The following SEMA3A variants were observed in gnomAD, a reference collection of about 807,000 sequenced individuals.
The protein encoded by SEMA3A is semaphorin 3A.
In SEMA3A, 29 loss-of-function variants were observed where a neutral mutation model predicts 97.9. That is an observed-to-expected ratio of 0.30 (90% confidence interval 0.22 to 0.40). The LOEUF (loss-of-function observed/expected upper bound fraction) is 0.40. Among genes scored for constraint, SEMA3A ranks in the 10% least tolerant of loss-of-function variants. The pLI, the probability that SEMA3A is intolerant of heterozygous loss-of-function variation, is 1.00. For missense variants in SEMA3A, 763 were observed against 951.3 expected, an observed-to-expected ratio of 0.80 and a Z score of 2.60; for synonymous variants, 321 against 323.7, an observed-to-expected ratio of 0.99 and a Z score of 0.09.
chr7:84,137,813 C>A, intron 1 of SEMA3A, among the ~76,000 whole-genome samples: 1 of 150,838 alleles, frequency 6.6e-6, no homozygotes. Flanking sequence ...TGCATAGAAA[C>A]TACATAAGGG....
intron 1 of SEMA3A, among the ~76,000 whole-genome samples, chr7:84,422,335 T>C (rs1804621057): frequency 6.6e-6 from 1 of 152,084 alleles, no homozygotes; most frequent in Admixed American, 6.6e-5. Context: ...CGGATGGTAG[T>C]TTGTATTTCT....
intron 11 of SEMA3A, among the ~76,000 whole-genome samples, chr7:84,004,695 C>T (rs1163011286): frequency 6.6e-6 from 1 of 152,164 alleles, no homozygotes; most frequent in African/African-American, 2.4e-5. Context: ...TTAAACTTAT[C>T]TACTTGTCAC....
chr7:84,410,837 C>T (rs998488744), intron 1 of SEMA3A, among the ~76,000 whole-genome samples: 1 of 152,146 alleles, frequency 6.6e-6, no homozygotes, highest in Non-Finnish European at 1.5e-5. Flanking sequence ...TACACTTAGA[C>T]TCTTAAAAGC....
At chr7:84,380,528 G>C (rs973363668) in intron 1 of SEMA3A, among the ~76,000 whole-genome samples, 16 of 152,034 alleles carry the variant, frequency 1.1e-4, no homozygotes, top group African/African-American at 3.6e-4. Context: ...GGAAGGGTGA[G>C]GACACTGATG....
intron 2 of SEMA3A, among the ~76,000 whole-genome samples, chr7:84,370,809 C>T (rs1054000255): frequency 6.6e-6 from 1 of 151,462 alleles, no homozygotes; most frequent in African/African-American, 2.4e-5. Context: ...ATGGTAATTA[C>T]ATAAACCACA....
intron 2 of SEMA3A, among the ~76,000 whole-genome samples, chr7:84,310,640 C>T (rs1280081766): frequency 2.6e-5 from 4 of 151,898 alleles, no homozygotes; most frequent in Admixed American, 6.6e-5. Flanking sequence ...CTTACGGGGC[C>T]GTACTAAGAA....
chr7:84,117,527 G>A (rs1190349444), intron 3 of SEMA3A, among the ~76,000 whole-genome samples: 4 of 152,154 alleles, frequency 2.6e-5, no homozygotes, highest in African/African-American at 4.8e-5. Flanking sequence ...CAGCACTACC[G>A]CCTGAGCTCC....
chr7:84,157,782 C>T (rs1796889796), intron 1 of SEMA3A, among the ~76,000 whole-genome samples: 1 of 152,152 alleles, frequency 6.6e-6, no homozygotes, highest in African/African-American at 2.4e-5. Flanking sequence ...CTTCTTTTCT[C>T]CTTGGACTCA....
chr7:84,328,118 A>G (rs954669198), intron 2 of SEMA3A, among the ~76,000 whole-genome samples: 2 of 152,002 alleles, frequency 1.3e-5, no homozygotes, highest in Non-Finnish European at 2.9e-5. Flanking sequence ...TTGTACAAAT[A>G]AGTTTGCTTG....
At chr7:84,351,527 A>C (rs898864332) in intron 2 of SEMA3A, among the ~76,000 whole-genome samples, 6 of 152,150 alleles carry the variant, frequency 3.9e-5, no homozygotes, top group Admixed American at 2.0e-4. Context: ...ATAGGAAAAA[A>C]AAATCAAATA....
chr7:84,073,072 T>C (rs1163107753), intron 4 of SEMA3A, among the ~76,000 whole-genome samples: 1 of 152,180 alleles, frequency 6.6e-6, no homozygotes, highest in Non-Finnish European at 1.5e-5. Context: ...GTAGAAACAA[T>C]TTTATTTTAG....
chr7:84,022,306 C>T (rs1326816015), intron 6 of SEMA3A, among the ~76,000 whole-genome samples: 1 of 152,082 alleles, frequency 6.6e-6, no homozygotes, highest in Non-Finnish European at 1.5e-5. Flanking sequence ...TCATGATATT[C>T]ACAAAGGAAG....
At chr7:83,982,065 AAAAC>A (rs1367311492) in intron 13 of SEMA3A, among the ~76,000 whole-genome samples, 23 of 152,144 alleles carry the variant, frequency 1.5e-4, no homozygotes, top group Admixed American at 1.3e-4. Context: ...ACTACCCTTC[AAAAC>A]GTCTTTGAAA....
chr7:84,029,370 A>T (rs1032968250), intron 6 of SEMA3A, among the ~76,000 whole-genome samples: 13 of 152,186 alleles, frequency 8.5e-5, no homozygotes, highest in African/African-American at 3.1e-4. Flanking sequence ...TGCATATAAT[A>T]TCTTGTTATT....
chr7:84,447,918 A>C (rs1805463470), intron 1 of SEMA3A, among the ~76,000 whole-genome samples: 1 of 152,182 alleles, frequency 6.6e-6, no homozygotes, highest in African/African-American at 2.4e-5. Context: ...GCTAGCTCAG[A>C]CACAGTTGCC....
chr7:84,304,944 T>C (rs1189218324), intron 3 of SEMA3A, among the ~76,000 whole-genome samples: 2 of 152,008 alleles, frequency 1.3e-5, no homozygotes, highest in Non-Finnish European at 2.9e-5. Flanking sequence ...ATCTTTATTA[T>C]GAGATTGCTA....
chr7:84,287,375 A>T (rs887547648), intron 3 of SEMA3A, among the ~76,000 whole-genome samples: 3 of 152,084 alleles, frequency 2.0e-5, no homozygotes, highest in Non-Finnish European at 2.9e-5. Context: ...CAATTAAAAA[A>T]ATTTTTAGTA....
intron 1 of SEMA3A, among the ~76,000 whole-genome samples, chr7:84,179,620 CTA>C (rs1262350403): frequency 6.6e-6 from 1 of 152,212 alleles, no homozygotes; most frequent in East Asian, 1.9e-4. Flanking sequence ...TTCTCCAGCA[CTA>C]TGTTGTGAGG....
chr7:84,478,817 G>C (rs2116427966), intron 1 of SEMA3A, among the ~76,000 whole-genome samples: 1 of 151,832 alleles, frequency 6.6e-6, no homozygotes, highest in East Asian at 1.9e-4. Context: ...CATATGTCTG[G>C]AATTAACAAT....
Sources: allele counts gnomAD v4.1 joint callset (sites outside exome capture counted in the v4.1 genomes callset), GRCh38; gene constraint gnomAD v4.1.1; transcripts MANE v1.5; gene names NCBI Gene and HGNC (gene_info 2026-07-23, HGNC 2026-07-21).